NPAS2: variants seen among roughly 807,000 people sequenced by gnomAD.
NPAS2 encodes neuronal PAS domain protein 2, also known as neuronal PAS domain-containing protein 2.
A neutral mutation model predicts 107.5 loss-of-function variants in NPAS2; 23 were observed. That is an observed-to-expected ratio of 0.21 (90% CI 0.15 to 0.30). The LOEUF (loss-of-function observed/expected upper bound fraction) is 0.30, where lower values mean the gene tolerates loss of function less well. Among genes scored for constraint, NPAS2 ranks in the 10% least tolerant of loss-of-function variants. The probability of loss-of-function intolerance (pLI) is 1.00; values close to 1 mark genes in which losing one functional copy is unlikely to be tolerated. For synonymous variants in NPAS2, 403 were observed against 417.5 expected (o/e 0.97, Z 0.42); for missense variants, 756 against 1,043.3 (o/e 0.72, Z 3.79).
chr2:100,995,168 GCCCCCAC>G, intron 20 of NPAS2: 16 of 472,698 alleles, frequency 3.4e-5, no homozygotes, highest in Admixed American at 7.5e-5. Flanking sequence ...GCCAGAAGGT[GCCCCCAC>G]TATTGGCGGA....
intron 2 of NPAS2, among the ~76,000 whole-genome samples, chr2:100,921,613 T>G (rs1389410119): frequency 6.6e-6 from 1 of 152,174 alleles, no homozygotes; most frequent in Non-Finnish European, 1.5e-5. Flanking sequence ...GGCAGAAGAT[T>G]TGAACAAACG....
At chr2:100,966,797 A>T in intron 10 of NPAS2, among the ~76,000 whole-genome samples, 1 of 151,976 alleles carries the variant, frequency 6.6e-6, no homozygotes, top group East Asian at 1.9e-4. Flanking sequence ...GGGTTTCACC[A>T]TGTTGGTCAG....
intron 3 of NPAS2, among the ~76,000 whole-genome samples, chr2:100,930,481 T>C (rs1683864621): frequency 6.6e-6 from 1 of 152,236 alleles, no homozygotes; most frequent in South Asian, 2.1e-4. Context: ...GGGTTGGCTC[T>C]TAATCACAAT....
At chr2:100,927,976 C>T (rs1452449492) in intron 3 of NPAS2, among the ~76,000 whole-genome samples, 1 of 152,178 alleles carries the variant, frequency 6.6e-6, no homozygotes, top group Admixed American at 6.5e-5. Context: ...AATTACAGTT[C>T]TTCCATGCAG....
intron 15 of NPAS2, among the ~76,000 whole-genome samples, chr2:100,979,087 G>A (rs1677234803): frequency 6.6e-6 from 1 of 152,180 alleles, no homozygotes; most frequent in African/African-American, 2.4e-5. Context: ...CGGAACATAT[G>A]CCCTCTTAGT....
rs570083774 is a variant in NPAS2, at chr2:100,882,430, A to C, written c.-22-22303A>C. On this transcript the variant is annotated intron_variant, in intron 1 of 20. Transcript: ENST00000335681. ...CGAGACCATCCTGGCTAACACAGTG[A>C]AACCCCATCTCTACTAAAAATACAA... Among the ~76,000 whole-genome samples the C allele has an allele frequency of 6.0e-3, 918 of 152,312 alleles. 8 individuals are homozygous for C. The highest frequency in any genetic ancestry group is 0.021 in the African/African-American group (891 of 41,576).
intron 2 of NPAS2, among the ~76,000 whole-genome samples, chr2:100,913,044 A>ATC (rs1682651780): frequency 6.6e-6 from 1 of 152,100 alleles, no homozygotes; most frequent in African/African-American, 2.4e-5. Context: ...TCTAGTGCTC[A>ATC]TCTCAGCCAA....
chr2:100,827,130 A>G (rs751768966), intron 1 of NPAS2, among the ~76,000 whole-genome samples: 9 of 152,202 alleles, frequency 5.9e-5, no homozygotes, highest in Non-Finnish European at 1.3e-4. Context: ...TTTTCTGGAA[A>G]TGGTGTTGGG....
At chr2:100,917,085 A>G (rs1329039520) in intron 2 of NPAS2, among the ~76,000 whole-genome samples, 1 of 152,242 alleles carries the variant, frequency 6.6e-6, no homozygotes, top group Non-Finnish European at 1.5e-5. Flanking sequence ...TCTCAAATCA[A>G]CAACTAATCT....
intron 2 of NPAS2, among the ~76,000 whole-genome samples, chr2:100,909,594 C>CTGA (rs1682399970): frequency 6.6e-6 from 1 of 152,220 alleles, no homozygotes; most frequent in Non-Finnish European, 1.5e-5. Flanking sequence ...GGACAGTGGG[C>CTGA]TGATGCTCCC....
chr2:100,909,308 G>A (rs1483605588), intron 2 of NPAS2, among the ~76,000 whole-genome samples: 1 of 152,232 alleles, frequency 6.6e-6, no homozygotes, highest in African/African-American at 2.4e-5. Flanking sequence ...AACACTTTCT[G>A]CAGAGTCTGT....
chr2:100,859,277 G>A (rs1486788685), intron 1 of NPAS2, among the ~76,000 whole-genome samples: 1 of 152,070 alleles, frequency 6.6e-6, no homozygotes, highest in Non-Finnish European at 1.5e-5. Flanking sequence ...AAAATAGCAT[G>A]CATTTGTGAT....
chr2:100,949,578 G>T, intron 7 of NPAS2, 98 bp downstream of exon 7: 2 of 709,968 alleles, frequency 2.8e-6, no homozygotes, highest in Admixed American at 4.8e-5. Context: ...GAGGGAGAAC[G>T]CGTGCTTTTC....
chr2:100,905,296 G>T (rs1400260722), intron 2 of NPAS2, among the ~76,000 whole-genome samples: 1 of 152,022 alleles, frequency 6.6e-6, no homozygotes. Flanking sequence ...GTAGATTGGA[G>T]ATGTCATAGA....
At chr2:100,936,671 C>T (rs1684319651) in intron 4 of NPAS2, among the ~76,000 whole-genome samples, 1 of 152,100 alleles carries the variant, frequency 6.6e-6, no homozygotes, top group Non-Finnish European at 1.5e-5. Flanking sequence ...AAATAAATCC[C>T]AATAAACAAT....
intron 4 of NPAS2, among the ~76,000 whole-genome samples, chr2:100,936,663 A>G (rs1211975912): frequency 1.3e-5 from 2 of 152,202 alleles, no homozygotes; most frequent in East Asian, 3.9e-4. Flanking sequence ...CCACACAAAA[A>G]TAAATCCCAA....
At chr2:100,919,048 T>C (rs1683061205) in intron 2 of NPAS2, among the ~76,000 whole-genome samples, 1 of 152,184 alleles carries the variant, frequency 6.6e-6, no homozygotes, top group African/African-American at 2.4e-5. Flanking sequence ...AGTAGAAAAC[T>C]ACTCACCAAT....
intron 1 of NPAS2, among the ~76,000 whole-genome samples, chr2:100,883,580 T>C (rs1680510094): frequency 6.6e-6 from 1 of 152,140 alleles, no homozygotes; most frequent in Non-Finnish European, 1.5e-5. Context: ...CATGGCACAG[T>C]CACAGATGGA....
intron 1 of NPAS2, among the ~76,000 whole-genome samples, chr2:100,867,234 A>G (rs1679311130): frequency 6.6e-6 from 1 of 152,122 alleles, no homozygotes; most frequent in Non-Finnish European, 1.5e-5. Context: ...ATTTATCCTA[A>G]TTGTTGTGTT....
Sources: gnomAD v4.1 joint callset for allele counts (sites outside exome capture counted in the v4.1 genomes callset) on GRCh38, gnomAD v4.1.1 for gene constraint, MANE v1.5 for transcripts, NCBI Gene and HGNC (gene_info 2026-07-23, HGNC 2026-07-21) for gene names.